Variants in LPXN observed in about 807,000 individuals in gnomAD.
The protein encoded by LPXN is leupaxin.
A neutral mutation model predicts 45.6 loss-of-function variants in LPXN; 28 were observed. The observed-to-expected ratio is 0.61, with a 90% CI of 0.45 to 0.84. LPXN has a LOEUF of 0.84. Among genes scored for constraint, LPXN ranks in the 40% least tolerant of loss-of-function variants. LPXN has a pLI of 0.00. For synonymous variants in LPXN, 166 were observed against 169.9 expected (o/e 0.98, Z 0.18); for missense variants, 459 against 475.0 (o/e 0.97, Z 0.31).
chr11:58,536,399 G>A (rs1853554300), intron 7 of LPXN, among the ~76,000 whole-genome samples: 1 of 152,162 alleles, frequency 6.6e-6, no homozygotes, highest in Non-Finnish European at 1.5e-5. Context: ...ACAAAAACAA[G>A]CAACAGGGAA....
At chr11:58,576,602 A>T (rs1257218882), upstream of LPXN, among the ~76,000 whole-genome samples, 1 of 152,216 alleles carries the variant, frequency 6.6e-6, no homozygotes, top group Non-Finnish European at 1.5e-5. Context: ...GGCCTACTAT[A>T]AAAAAGCAAT....
At chr11:58,575,939 G>T, upstream of LPXN, 1 of 1,408,440 alleles carries the variant, frequency 7.1e-7, no homozygotes. Flanking sequence ...GATTTGGTGA[G>T]CTTTTTTTTT....
At chr11:58,562,328 T>C (rs1854402241) in intron 3 of LPXN, among the ~76,000 whole-genome samples, 1 of 152,206 alleles carries the variant, frequency 6.6e-6, no homozygotes, top group Non-Finnish European at 1.5e-5. Context: ...GAGTAAATAG[T>C]AGAAACAGAA....
At chr11:58,533,411 C>A (rs1436073936) in intron 7 of LPXN, among the ~76,000 whole-genome samples, 1 of 152,148 alleles carries the variant, frequency 6.6e-6, no homozygotes, top group Admixed American at 6.5e-5. Flanking sequence ...ATTTCATATC[C>A]AGCCAAACTA....
At chr11:58,562,970 T>C (rs1159260665) in intron 3 of LPXN, among the ~76,000 whole-genome samples, 2 of 152,106 alleles carry the variant, frequency 1.3e-5, no homozygotes, top group African/African-American at 4.8e-5. Context: ...GAGGAAATCA[T>C]GGGAAATAGG....
upstream of LPXN, chr11:58,575,968 G>GTT (rs1854877809): frequency 7.0e-5 from 99 of 1,407,158 alleles, 1 homozygote; most frequent in East Asian, 2.5e-3. Context: ...AGGTTACACA[G>GTT]TTTTAAAAAT....
intron 3 of LPXN, among the ~76,000 whole-genome samples, chr11:58,558,913 G>GA (rs1320273130): frequency 6.6e-6 from 1 of 151,148 alleles, no homozygotes; most frequent in Non-Finnish European, 1.5e-5. Flanking sequence ...TTTCAAAAAT[G>GA]AAAAAAATAT....
At chr11:58,544,517 C>A (rs1462164767) in intron 7 of LPXN, among the ~76,000 whole-genome samples, 1 of 152,180 alleles carries the variant, frequency 6.6e-6, no homozygotes, top group East Asian at 1.9e-4. Context: ...ATCTGCTGGA[C>A]AGCTGGTTTC....
At chr11:58,569,371 T>A (rs1424157420) in intron 2 of LPXN, among the ~76,000 whole-genome samples, 1 of 152,112 alleles carries the variant, frequency 6.6e-6, no homozygotes, top group Non-Finnish European at 1.5e-5. Context: ...AAATTTGATT[T>A]CTGAGTTTTG....
chr11:58,541,371 T>C (rs1853714359), intron 7 of LPXN, among the ~76,000 whole-genome samples: 1 of 152,070 alleles, frequency 6.6e-6, no homozygotes, highest in African/African-American at 2.4e-5. Context: ...CATCAAAAAG[T>C]GGGCAAAGGA....
rs200513124 is a variant in LPXN, at chr11:58,531,626, AAC to A, written c.743-3437_743-3436del. Among the ~76,000 whole-genome samples the A allele has an allele frequency of 2.8e-3, 425 of 152,310 alleles. 10 individuals are homozygous for A. The East Asian group carries it at 0.03, about 11-fold the overall frequency. ...TGGGGAGAATGGAACCAAGCTGAAA[AAC>A]ACTCTTCAGGATATTATCCAGGAGA... On this transcript the variant is annotated intron_variant, in intron 7 of 8. Coordinates refer to ENST00000395074, the MANE Select transcript of LPXN (RefSeq NM_004811.3).
At chr11:58,552,947 C>T (rs902532261) in intron 4 of LPXN, among the ~76,000 whole-genome samples, 7 of 152,246 alleles carry the variant, frequency 4.6e-5, no homozygotes, top group African/African-American at 1.4e-4. Flanking sequence ...TGGGGCAGAA[C>T]TGGATGGCTA....
chr11:58,556,697 G>C (rs1390930765), intron 3 of LPXN, among the ~76,000 whole-genome samples: 2 of 152,004 alleles, frequency 1.3e-5, no homozygotes, highest in East Asian at 3.8e-4. Context: ...AAATGAAACA[G>C]TCTCTTTCTT....
rs11295701 is a variant in LPXN at position 58,529,607 on chromosome 11, C to CA, written c.743-1417dup. Reference sequence around the variant, plus strand: ...CCTGGGAGATAGTGAGACTCTGTCTCAAAAAAAAAAAAAAAAAGTAAAAAA... The same window carrying CA: ...CCTGGGAGATAGTGAGACTCTGTCTCAAAAAAAAAAAAAAAAAAGTAAAAAA... On this transcript the variant is annotated intron_variant, in intron 7 of 8. Transcript: ENST00000395074. Among the ~76,000 whole-genome samples the CA allele has an allele frequency of 8.2e-3, 679 of 83,274 alleles. 8 individuals carry two copies. Among genetic ancestry groups the CA allele is most frequent in the East Asian group, 0.014 (39 of 2,774 alleles). 54.6% of individuals were successfully genotyped at this position (83,274 alleles called of 152,430 possible).
Position 58,564,190 on chromosome 11 carries a change from C to T in LPXN, c.183G>A (p.Val61=). The change falls in exon 3 of 9, where the codon GTG becomes GTA. Residue 61 remains valine (V), a synonymous_variant. Coordinates refer to ENST00000395074, the MANE Select transcript of LPXN (RefSeq NM_004811.3). ...DNTSPLPAQL[V]YTTNIQELNV... is the part of the protein sequence containing the mutation. Reference sequence around the variant, plus strand: ...TGAGCTCCTGGATATTGGTAGTATACACGAGCTGCGCCTAAGATATATAAG... The same window carrying T: ...TGAGCTCCTGGATATTGGTAGTATATACGAGCTGCGCCTAAGATATATAAG... 6.2e-7 allele frequency: 1 copy of T among 1,604,852 alleles called. No individual in the cohort carries two copies. The highest frequency in any genetic ancestry group is 1.1e-5 in the South Asian group (1 of 89,412).
chr11:58,538,222 G>A (rs1041327462), intron 7 of LPXN, among the ~76,000 whole-genome samples: 24 of 151,998 alleles, frequency 1.6e-4, no homozygotes, highest in Admixed American at 5.2e-4. Flanking sequence ...GAATAGTGCC[G>A]CCATAAACAT....
chr11:58,557,877 G>A (rs1219976441), intron 3 of LPXN, among the ~76,000 whole-genome samples: 1 of 152,058 alleles, frequency 6.6e-6, no homozygotes, highest in Non-Finnish European at 1.5e-5. Flanking sequence ...CTATATAAAT[G>A]AAGATAAATA....
At chr11:58,554,696 A>C (rs962788816) in intron 4 of LPXN, 145 bp downstream of exon 4, 1 of 559,934 alleles carries the variant, frequency 1.8e-6, no homozygotes, top group African/African-American at 1.9e-5. Flanking sequence ...ATTTAGTCTG[A>C]AAAAAGCAAT....
intron 8 of LPXN, 55 bp from the exon 9 acceptor site, chr11:58,527,778 C>G: frequency 6.5e-7 from 1 of 1,536,290 alleles, no homozygotes; most frequent in African/African-American, 1.4e-5. Flanking sequence ...GGTAAAATGT[C>G]AGCAAAGTAA....
Sources: gnomAD v4.1 joint callset for allele counts (sites outside exome capture counted in the v4.1 genomes callset) on GRCh38, gnomAD v4.1.1 for gene constraint, MANE v1.5 for transcripts, NCBI Gene and HGNC (gene_info 2026-07-23, HGNC 2026-07-21) for gene names.